Variants in INPP4B observed in about 807,000 individuals in gnomAD.
INPP4B encodes inositol polyphosphate-4-phosphatase type II B.
INPP4B carries 55 observed loss-of-function variants against 122.5 expected under a neutral mutation model. That is an observed-to-expected ratio of 0.45 (90% CI 0.36 to 0.56). INPP4B has a LOEUF of 0.56. INPP4B is among the 20% of genes least tolerant of loss of function. The pLI is 0.00. For missense variants in INPP4B, 1,000 were observed against 1,097.7 expected, an observed-to-expected ratio of 0.91 and a Z score of 1.26; for synonymous variants, 403 against 388.7, an observed-to-expected ratio of 1.04 and a Z score of -0.43.
intron 2 of INPP4B, among the ~76,000 whole-genome samples, chr4:142,626,464 C>T (rs1022510232): frequency 6.6e-6 from 1 of 152,036 alleles, no homozygotes; most frequent in Non-Finnish European, 1.5e-5. Flanking sequence ...CTGAGATCAA[C>T]CCCCAGCCAA....
At chr4:142,177,179 C>G (rs1176074259) in intron 15 of INPP4B, among the ~76,000 whole-genome samples, 1 of 152,080 alleles carries the variant, frequency 6.6e-6, no homozygotes. Context: ...GAGCACCTCA[C>G]CTACTGAGGC....
intron 7 of INPP4B, among the ~76,000 whole-genome samples, chr4:142,391,563 A>G: frequency 6.6e-6 from 1 of 152,198 alleles, no homozygotes; most frequent in African/African-American, 2.4e-5. Context: ...CTGTGTCTCA[A>G]AACAAACAAA....
intron 2 of INPP4B, among the ~76,000 whole-genome samples, chr4:142,555,363 T>C (rs1728918224): frequency 6.6e-6 from 1 of 152,162 alleles, no homozygotes; most frequent in Non-Finnish European, 1.5e-5. Flanking sequence ...AGCATATTTA[T>C]TTGTAAGGAG....
At position 142,245,411 on chromosome 4, in the gene INPP4B, T is replaced by C. The variant is rs567274416; in HGVS notation, c.689-7400A>G. On this transcript the variant is annotated intron_variant, in intron 11 of 25. Coordinates refer to ENST00000262992, the MANE Select transcript of INPP4B (RefSeq NM_001101669.3). ...TTTTGAATAAGTTGTAAGGAAGAGG[T>C]CCAGTTTCAGTTTTCTACATACGGC... Among the ~76,000 whole-genome samples, 48 of 152,258 alleles carry C rather than the reference T, an allele frequency of 3.2e-4. No homozygotes were observed. The South Asian group carries it at 7.2e-3, about 23-fold the overall frequency.
intron 23 of INPP4B, among the ~76,000 whole-genome samples, chr4:142,089,478 CACAG>C (rs57769608): frequency 0.045 from 6,366 of 142,948 alleles, 144 homozygotes; most frequent in Non-Finnish European, 0.053. Context: ...CACACACACA[CACAG>C]AGAGAGAGAG....
intron 15 of INPP4B, among the ~76,000 whole-genome samples, chr4:142,184,814 A>C (rs747368236): frequency 5.9e-5 from 9 of 152,144 alleles, no homozygotes; most frequent in Non-Finnish European, 1.0e-4. Flanking sequence ...TGGAGGGTAG[A>C]GGGGAGGGAA....
chr4:142,305,667 TA>T, intron 8 of INPP4B, 130 bp from the exon 9 acceptor site: 1 of 1,471,322 alleles, frequency 6.8e-7, no homozygotes, highest in Non-Finnish European at 9.1e-7. Context: ...AATATTTCAG[TA>T]ACAGAGATAA....
At chr4:142,654,126 A>G (rs1163819952) in intron 2 of INPP4B, among the ~76,000 whole-genome samples, 1 of 152,156 alleles carries the variant, frequency 6.6e-6, no homozygotes, top group African/African-American at 2.4e-5. Flanking sequence ...AAAGACAGAA[A>G]ACCAAACACC....
At chr4:142,835,506 A>G (rs1782674209) in intron 1 of INPP4B, among the ~76,000 whole-genome samples, 1 of 152,224 alleles carries the variant, frequency 6.6e-6, no homozygotes, top group African/African-American at 2.4e-5. Flanking sequence ...CATTTTAAAA[A>G]ATGTCTATAA....
At chr4:142,495,921 T>C (rs1822497539) in intron 2 of INPP4B, among the ~76,000 whole-genome samples, 1 of 152,138 alleles carries the variant, frequency 6.6e-6, no homozygotes, top group South Asian at 2.1e-4. Flanking sequence ...CTTCAGCCCA[T>C]ATAGGCAAAT....
At chr4:142,526,769 C>A (rs978769052) in intron 2 of INPP4B, among the ~76,000 whole-genome samples, 4 of 152,038 alleles carry the variant, frequency 2.6e-5, no homozygotes, top group African/African-American at 9.7e-5. Flanking sequence ...TTTATAATTT[C>A]TGTATTGCAT....
At chr4:142,714,174 C>A (rs17016705) in intron 2 of INPP4B, among the ~76,000 whole-genome samples, 9,628 of 152,178 alleles carry the variant, frequency 0.063, 1,035 homozygotes, top group African/African-American at 0.22. Flanking sequence ...AATGAGAGGA[C>A]TTTCTTAAAG....
At chr4:142,826,659 AT>A (rs144679189) in intron 1 of INPP4B, among the ~76,000 whole-genome samples, 3,210 of 152,108 alleles carry the variant, frequency 0.021, 106 homozygotes, top group African/African-American at 0.073. Context: ...CTCACCCAAG[AT>A]ACTGTTCTTT....
intron 2 of INPP4B, among the ~76,000 whole-genome samples, chr4:142,595,334 C>T (rs1738469590): frequency 6.6e-6 from 1 of 151,920 alleles, no homozygotes; most frequent in South Asian, 2.1e-4. Context: ...CTAAAAGATT[C>T]TACAGCTACC....
chr4:142,716,923 G>T (rs1195415365), intron 2 of INPP4B, among the ~76,000 whole-genome samples: 1 of 152,112 alleles, frequency 6.6e-6, no homozygotes, highest in Non-Finnish European at 1.5e-5. Flanking sequence ...TGAGGATAAG[G>T]TATTAAGTGA....
chr4:142,740,484 A>G (rs1370293428), intron 1 of INPP4B, among the ~76,000 whole-genome samples: 1 of 152,068 alleles, frequency 6.6e-6, no homozygotes, highest in Non-Finnish European at 1.5e-5. Context: ...ATGATCTCAC[A>G]AGGGCAAAAT....
At position 142,124,602 on chromosome 4, in the gene INPP4B, C is replaced by T. The variant is rs781219504; in HGVS notation, c.1879G>A (p.Val627Ile). Residue 627 changes from valine to isoleucine, a missense_variant, in exon 19 of 26, where the codon GTC becomes ATC. By Grantham distance (29) the Val-to-Ile change is conservative. Coordinates refer to ENST00000262992, the MANE Select transcript of INPP4B (RefSeq NM_001101669.3). ...CAGGCACCTACTGCTTGGCTGAAGA[C>T]GATGTCTCTTCTTAGCGTCAGCATC... ...CLMLTLRRDI[V>I]FSQALAGLVC... 37 of 1,613,210 alleles carry T rather than the reference C, an allele frequency of 2.3e-5. No homozygotes were observed. The highest frequency in any genetic ancestry group is 5.0e-5 in the Admixed American group (3 of 59,912).
intron 7 of INPP4B, among the ~76,000 whole-genome samples, chr4:142,386,974 G>A (rs1021741894): frequency 5.9e-5 from 9 of 152,026 alleles, no homozygotes; most frequent in Non-Finnish European, 1.3e-4. Flanking sequence ...GTTCTCTCTC[G>A]GATTTCAGAG....
intron 9 of INPP4B, among the ~76,000 whole-genome samples, chr4:142,299,056 G>A (rs1760109178): frequency 1.3e-5 from 2 of 152,088 alleles, no homozygotes; most frequent in East Asian, 3.9e-4. Context: ...AAAAAGCACA[G>A]TGAGTCTTGC....
Sources: gnomAD v4.1 joint callset for allele counts (sites outside exome capture counted in the v4.1 genomes callset) on GRCh38, gnomAD v4.1.1 for gene constraint, MANE v1.5 for transcripts, NCBI Gene and HGNC (gene_info 2026-07-23, HGNC 2026-07-21) for gene names.